Variants in TEX101 observed in about 807,000 individuals in gnomAD.
TEX101 encodes testis-expressed protein 101.
In TEX101, 10 loss-of-function variants were observed where a neutral mutation model predicts 18.1. The observed-to-expected ratio is 0.55, with a 90% CI of 0.34 to 0.94. TEX101 has a LOEUF of 0.94. Among genes scored for constraint, TEX101 ranks in the 40% least tolerant of loss-of-function variants. The pLI, the probability that TEX101 is intolerant of heterozygous loss-of-function variation, is 0.02. For missense variants in TEX101, 259 were observed against 298.9 expected (o/e 0.87, Z 0.98); for synonymous variants, 94 against 114.8 (o/e 0.82, Z 1.16).
upstream of TEX101, among the ~76,000 whole-genome samples, chr19:43,398,289 T>C (rs1480168648): frequency 7.4e-6 from 1 of 135,362 alleles, no homozygotes; most frequent in African/African-American, 2.8e-5. Context: ...ATATATACTT[T>C]TTTTTGAGAC....
chr19:43,418,430 C>G lies in TEX101; in HGVS notation c.*33C>G. 1.3e-6 allele frequency: 2 copies of G among 1,567,006 alleles called. No individual in the cohort carries two copies. The highest frequency in any genetic ancestry group is 1.7e-6 in the Non-Finnish European group (2 of 1,147,484). ...CTTCTGGGCCTGGGTCTGAGGACAT[C>G]TTTTTTGACTGGGAGCCTTCTTACT... On this transcript the variant is annotated 3_prime_UTR_variant, in exon 6 of 6. Coordinates refer to ENST00000598265, the MANE Select transcript of TEX101 (RefSeq NM_001130011.3).
At chr19:43,392,624 A>C in the TEX101 span, among the ~76,000 whole-genome samples, 2 of 152,126 alleles carry the variant, frequency 1.3e-5, no homozygotes, top group Non-Finnish European at 2.9e-5. Context: ...GGGCCACACA[A>C]AATCAGAACA....
chr19:43,411,394 A>G (rs1599901078), upstream of TEX101, among the ~76,000 whole-genome samples: 1 of 152,100 alleles, frequency 6.6e-6, no homozygotes, highest in Non-Finnish European at 1.5e-5. Flanking sequence ...AGTTTTAAAC[A>G]GGAGTAATGT....
chr19:43,401,521 T>C (rs1435542248), exon 1 of TEX101: 3 of 152,234 alleles, frequency 2.0e-5, no homozygotes, highest in Non-Finnish European at 4.4e-5. Context: ...CAGGGAAATA[T>C]GCAACATGCT....
At chr19:43,392,226 G>A in the TEX101 span, among the ~76,000 whole-genome samples, 1 of 151,948 alleles carries the variant, frequency 6.6e-6, no homozygotes, top group East Asian at 1.9e-4. Flanking sequence ...AGGGAGAGGA[G>A]AGGCATGGAG....
chr19:43,411,224 G>A (rs989812141), upstream of TEX101, among the ~76,000 whole-genome samples: 2 of 152,090 alleles, frequency 1.3e-5, no homozygotes, highest in African/African-American at 4.8e-5. Context: ...TTACAGGGGC[G>A]CACCACCACG....
At chr19:43,406,589 G>GTCGGGCGCGAGTTTCGAGAGAGACTT in intron 3 of TEX101, 1 of 617,676 alleles carries the variant, frequency 1.6e-6, no homozygotes, top group Non-Finnish European at 3.0e-6. Flanking sequence ...TGGTGGGGGA[G>GTCGGGCGCGAGTTTCGAGAGAGACTT]TCGGGCGCGA....
upstream of TEX101, among the ~76,000 whole-genome samples, chr19:43,399,928 C>A (rs1269479005): frequency 6.6e-6 from 1 of 151,948 alleles, no homozygotes; most frequent in African/African-American, 2.4e-5. Context: ...AATTCTCCTG[C>A]CTCAGCCTCC....
chr19:43,393,063 G>A, the TEX101 span, among the ~76,000 whole-genome samples: 1 of 148,100 alleles, frequency 6.8e-6, no homozygotes, highest in South Asian at 2.2e-4. Context: ...GGAAAGAAAA[G>A]AAAGAAAGAA....
the TEX101 span, among the ~76,000 whole-genome samples, chr19:43,395,805 T>G: frequency 2.6e-4 from 39 of 152,322 alleles, no homozygotes; most frequent in Admixed American, 1.4e-3. Flanking sequence ...GGCAGGAGCC[T>G]CCGTGGCTCA....
chr19:43,394,396 G>A, the TEX101 span, among the ~76,000 whole-genome samples: 3 of 151,988 alleles, frequency 2.0e-5, no homozygotes. Context: ...CCAGACTCCA[G>A]AGACCATCAC....
chr19:43,408,395 G>A (rs1375221504), intron 3 of TEX101, among the ~76,000 whole-genome samples: 1 of 152,226 alleles, frequency 6.6e-6, no homozygotes, highest in East Asian at 1.9e-4. Flanking sequence ...AGGAGGTAGC[G>A]GTGGCGGCGG....
the TEX101 span, among the ~76,000 whole-genome samples, chr19:43,389,673 T>C: frequency 7.9e-5 from 12 of 152,188 alleles, no homozygotes; most frequent in Admixed American, 5.9e-4. Flanking sequence ...TCTGAATCTG[T>C]TCCTGTGCTG....
At chr19:43,407,184 C>T (rs1970373816) in intron 3 of TEX101, among the ~76,000 whole-genome samples, 1 of 152,110 alleles carries the variant, frequency 6.6e-6, no homozygotes, top group African/African-American at 2.4e-5. Context: ...TGTTCACCCA[C>T]TCAGAAAACC....
At chr19:43,392,390 GGAGA>G in the TEX101 span, among the ~76,000 whole-genome samples, 1 of 151,826 alleles carries the variant, frequency 6.6e-6, no homozygotes, top group Non-Finnish European at 1.5e-5. Flanking sequence ...GAGAGTGAGG[GGAGA>G]GAGAAAGGGC....
At chr19:43,393,548 G>A in the TEX101 span, among the ~76,000 whole-genome samples, 2 of 152,134 alleles carry the variant, frequency 1.3e-5, no homozygotes, top group African/African-American at 2.4e-5. Flanking sequence ...ACTGTGATGA[G>A]AGTCACTGTT....
chr19:43,396,254 T>A, the TEX101 span, among the ~76,000 whole-genome samples: 7 of 152,208 alleles, frequency 4.6e-5, no homozygotes, highest in African/African-American at 1.7e-4. Flanking sequence ...CTGGCCTGCC[T>A]GGGGCGGCAG....
chr19:43,392,293 T>C, the TEX101 span, among the ~76,000 whole-genome samples: 2 of 151,696 alleles, frequency 1.3e-5, no homozygotes, highest in Non-Finnish European at 2.9e-5. Flanking sequence ...CATAGAGAGA[T>C]TCAGGGCAGG....
chr19:43,402,236 A>G (rs922692764), intron 1 of TEX101, among the ~76,000 whole-genome samples: 3 of 152,238 alleles, frequency 2.0e-5, no homozygotes, highest in Admixed American at 2.0e-4. Flanking sequence ...TGTTCATTTG[A>G]AGTTTTTAGA....
Sources: allele counts gnomAD v4.1 joint callset (sites outside exome capture counted in the v4.1 genomes callset), GRCh38; gene constraint gnomAD v4.1.1; transcripts MANE v1.5; gene names NCBI Gene and HGNC (gene_info 2026-07-23, HGNC 2026-07-21).